SGCZ: variants seen among roughly 807,000 people sequenced by gnomAD.
The protein encoded by SGCZ is sarcoglycan zeta.
SGCZ carries 40 observed loss-of-function variants against 41.3 expected under a neutral mutation model. That is an observed-to-expected ratio of 0.97 (90% CI 0.75 to 1.26). SGCZ has a LOEUF of 1.26. Ranked by LOEUF, SGCZ falls within the 50% of genes most tolerant of loss-of-function variation. The pLI, the probability that SGCZ is intolerant of heterozygous loss-of-function variation, is 0.00. For synonymous variants in SGCZ, 206 were observed against 137.5 expected, an observed-to-expected ratio of 1.50 and a Z score of -3.49; for missense variants, 552 against 369.8, an observed-to-expected ratio of 1.49 and a Z score of -4.04.
intron 1 of SGCZ, among the ~76,000 whole-genome samples, chr8:14,941,082 C>T (rs192120260): frequency 6.6e-6 from 1 of 152,028 alleles, no homozygotes; most frequent in East Asian, 1.9e-4. Context: ...TAGCATTAGG[C>T]AAAGTTTAAA....
chr8:14,546,231 C>A (rs528233916), intron 2 of SGCZ, among the ~76,000 whole-genome samples: 7 of 152,252 alleles, frequency 4.6e-5, no homozygotes, highest in Admixed American at 3.9e-4. Context: ...GCTGTAGTCA[C>A]GCCCTAGAAG....
intron 2 of SGCZ, among the ~76,000 whole-genome samples, chr8:14,434,225 G>T (rs547578417): frequency 3.2e-4 from 49 of 152,156 alleles, no homozygotes; most frequent in Non-Finnish European, 6.5e-4. Context: ...TGAATAGGGT[G>T]TCCTTTCTCC....
intron 1 of SGCZ, among the ~76,000 whole-genome samples, chr8:14,796,080 G>A (rs1382136678): frequency 6.6e-6 from 1 of 152,248 alleles, no homozygotes; most frequent in South Asian, 2.1e-4. Context: ...ATCACTGATG[G>A]GCATTTAGGT....
chr8:14,661,934 T>G (rs2117485099), intron 1 of SGCZ, among the ~76,000 whole-genome samples: 1 of 152,298 alleles, frequency 6.6e-6, no homozygotes, highest in South Asian at 2.1e-4. Flanking sequence ...ATGTTAAATT[T>G]TAAATACACA....
At chr8:14,285,714 GTGGTTTCTA>G (rs1800597466) in intron 3 of SGCZ, among the ~76,000 whole-genome samples, 1 of 152,070 alleles carries the variant, frequency 6.6e-6, no homozygotes, top group South Asian at 2.1e-4. Context: ...CCAGGGGAAA[GTGGTTTCTA>G]TGTCTCCACA....
intron 1 of SGCZ, among the ~76,000 whole-genome samples, chr8:14,764,420 C>T (rs1799978659): frequency 2.0e-5 from 3 of 152,304 alleles, no homozygotes; most frequent in South Asian, 2.1e-4. Context: ...TATGTGATCA[C>T]ACATGGCTTC....
chr8:15,211,327 A>T (rs1315175712), intron 1 of SGCZ, among the ~76,000 whole-genome samples: 2 of 151,026 alleles, frequency 1.3e-5, no homozygotes, highest in Middle Eastern at 3.5e-3. Flanking sequence ...GGTAGGCTTC[A>T]ATTCACAATT....
intron 1 of SGCZ, among the ~76,000 whole-genome samples, chr8:14,880,395 T>C (rs6530812): frequency 0.7 from 105,604 of 151,944 alleles, 37,273 homozygotes; most frequent in East Asian, 0.84. Context: ...GTCAGTGTGG[T>C]GATTTCTCAG....
intron 2 of SGCZ, among the ~76,000 whole-genome samples, chr8:14,475,598 T>C (rs957923130): frequency 2.6e-5 from 4 of 152,162 alleles, no homozygotes; most frequent in South Asian, 2.1e-4. Context: ...GGTTGGATTT[T>C]ATTTACAAGA....
In SGCZ at chr8:14,885,984, GTTATATATAT is replaced by G. The variant is rs1260999296; in HGVS notation, c.40-331068_40-331059del. ...CTTTTTTAATCATAAAGGACTTTAT[GTTATATATAT>G]ATATATATATATATATATATATATA... On this transcript the variant is annotated intron_variant, in intron 1 of 7. Coordinates refer to ENST00000382080, the MANE Select transcript of SGCZ (RefSeq NM_139167.4). Among the ~76,000 whole-genome samples the G allele has an allele frequency of 1.4e-3, 80 of 58,392 alleles. 1 individual carries two copies. Among genetic ancestry groups the G allele is most frequent in the African/African-American group, 5.0e-3 (75 of 15,066 alleles). The allele number at this position is 58,392 out of a possible 152,430, so 38.3% of individuals were successfully genotyped here.
chr8:14,931,374 A>C (rs1022241669), intron 1 of SGCZ, among the ~76,000 whole-genome samples: 4 of 152,082 alleles, frequency 2.6e-5, no homozygotes, highest in African/African-American at 9.7e-5. Flanking sequence ...TTTGTGTTTT[A>C]ACAATAAATA....
intron 2 of SGCZ, among the ~76,000 whole-genome samples, chr8:14,436,370 A>G (rs1387302112): frequency 2.0e-5 from 3 of 152,148 alleles, no homozygotes; most frequent in Admixed American, 1.3e-4. Flanking sequence ...CTTCGCATGA[A>G]CTTTATTTTT....
chr8:14,799,292 C>G (rs1390869011), intron 1 of SGCZ, among the ~76,000 whole-genome samples: 1 of 151,952 alleles, frequency 6.6e-6, no homozygotes, highest in African/African-American at 2.4e-5. Context: ...TTTTTCTATT[C>G]TAGTTATATG....
chr8:14,697,671 T>A (rs192880628), intron 1 of SGCZ, among the ~76,000 whole-genome samples: 9 of 152,120 alleles, frequency 5.9e-5, no homozygotes, highest in Admixed American at 5.9e-4. Flanking sequence ...GAGAATTTCC[T>A]CACCTTCTCA....
intron 1 of SGCZ, among the ~76,000 whole-genome samples, chr8:14,760,010 A>G (rs2130350868): frequency 6.6e-6 from 1 of 152,334 alleles, no homozygotes; most frequent in Middle Eastern, 3.4e-3. Context: ...GTGTTTTAAA[A>G]GTTAATAACA....
intron 7 of SGCZ, among the ~76,000 whole-genome samples, chr8:14,094,286 C>T (rs1042076515): frequency 7.9e-5 from 12 of 152,022 alleles, no homozygotes; most frequent in Non-Finnish European, 1.5e-5. Flanking sequence ...TGCTATCCCT[C>T]CCCTAGCCCC....
intron 4 of SGCZ, among the ~76,000 whole-genome samples, chr8:14,201,672 T>C (rs181517367): frequency 6.6e-6 from 1 of 152,330 alleles, no homozygotes; most frequent in East Asian, 1.9e-4. Context: ...ATAATGTATT[T>C]GTTTGATACC....
intron 1 of SGCZ, among the ~76,000 whole-genome samples, chr8:14,912,007 C>G (rs1455999840): frequency 1.3e-5 from 2 of 151,930 alleles, no homozygotes; most frequent in East Asian, 3.9e-4. Flanking sequence ...TTCTTTGTCC[C>G]TATATTCAAG....
intron 2 of SGCZ, among the ~76,000 whole-genome samples, chr8:14,464,187 T>C (rs946323196): frequency 6.6e-6 from 1 of 151,682 alleles, no homozygotes; most frequent in African/African-American, 2.4e-5. Flanking sequence ...TTGAGAAGAA[T>C]TGATGTTAGT....
Sources: gnomAD v4.1 joint callset for allele counts (sites outside exome capture counted in the v4.1 genomes callset) on GRCh38, gnomAD v4.1.1 for gene constraint, MANE v1.5 for transcripts, NCBI Gene and HGNC (gene_info 2026-07-23, HGNC 2026-07-21) for gene names.